IQSEC1: variants seen among roughly 807,000 people sequenced by gnomAD.
The protein encoded by IQSEC1 is IQ motif and Sec7 domain ArfGEF 1.
IQSEC1 carries 31 observed loss-of-function variants against 91.0 expected under a neutral mutation model. That is an observed-to-expected ratio of 0.34 (90% confidence interval 0.26 to 0.46). IQSEC1 has a LOEUF of 0.46. IQSEC1 is among the 20% of genes least tolerant of loss of function. The pLI is 1.00. For synonymous variants in IQSEC1, 699 were observed against 662.6 expected, an observed-to-expected ratio of 1.05 and a Z score of -0.84; for missense variants, 1,388 against 1,575.6, an observed-to-expected ratio of 0.88 and a Z score of 2.02.
At chr3:13,229,963 C>T (rs1261565866) in intron 1 of IQSEC1, among the ~76,000 whole-genome samples, 4 of 152,174 alleles carry the variant, frequency 2.6e-5, no homozygotes, top group East Asian at 1.9e-4. Flanking sequence ...ATAAAATATA[C>T]AGAAGAGTGC....
At chr3:13,194,704 G>A (rs770949735) in intron 1 of IQSEC1, among the ~76,000 whole-genome samples, 34 of 152,056 alleles carry the variant, frequency 2.2e-4, no homozygotes, top group African/African-American at 7.3e-4. Context: ...GGCGAGGTCC[G>A]TGCTTCCTCC....
chr3:12,933,621 C>CG (rs3836368), intron 3 of IQSEC1, among the ~76,000 whole-genome samples: 17,127 of 152,176 alleles, frequency 0.11, 1,125 homozygotes, highest in South Asian at 0.21. Flanking sequence ...CACTGTGGGA[C>CG]GGGGGGTTAT....
chr3:13,006,575 C>T (rs1702643730), intron 1 of IQSEC1, among the ~76,000 whole-genome samples: 1 of 152,236 alleles, frequency 6.6e-6, no homozygotes, highest in Admixed American at 6.5e-5. Flanking sequence ...AGCACAACTG[C>T]CCAGATCTTC....
chr3:12,923,979 G>C (rs1030177010), intron 4 of IQSEC1, among the ~76,000 whole-genome samples: 2 of 152,226 alleles, frequency 1.3e-5, no homozygotes, highest in African/African-American at 2.4e-5. Context: ...GAACTGAGAA[G>C]AGCTGTGGAA....
intron 1 of IQSEC1, chr3:13,047,474 G>A (rs1365251980): frequency 1.0e-6 from 1 of 985,206 alleles, no homozygotes; most frequent in African/African-American, 1.7e-5. Flanking sequence ...CGGCAAGACA[G>A]TACCTGTAGC....
chr3:12,973,294 T>G (rs1465702145), intron 1 of IQSEC1, among the ~76,000 whole-genome samples: 1 of 152,172 alleles, frequency 6.6e-6, no homozygotes, highest in Non-Finnish European at 1.5e-5. Context: ...CCCCAGTGCC[T>G]TTGCTTATCC....
In IQSEC1 at chr3:12,970,660, C is replaced by A. The variant is rs549455748; in HGVS notation, c.24-28795G>T. 1.3e-5 allele frequency among the ~76,000 whole-genome samples: 2 copies of A among 152,170 alleles called. No homozygotes were observed. The highest frequency in any genetic ancestry group is 2.9e-5 in the Non-Finnish European group (2 of 68,034). On this transcript the variant is annotated intron_variant, in intron 1 of 13. Coordinates refer to ENST00000613206, the MANE Select transcript of IQSEC1 (RefSeq NM_001134382.3). The surrounding 1 kb of genome is among the most constrained non-coding windows in gnomAD (Gnocchi z 4.4). The stretch of plus-strand genomic sequence containing the variant: ...TGCCCACTCTATGCCTGCCACACCT[C>A]CAGCAACACTAAGCTTCTTTCAGTT...
intron 1 of IQSEC1, among the ~76,000 whole-genome samples, chr3:13,164,288 T>A (rs1693428788): frequency 6.6e-6 from 1 of 152,190 alleles, no homozygotes; most frequent in Non-Finnish European, 1.5e-5. Context: ...CTCCGGGGTC[T>A]CTTGCTGCTG....
intron 1 of IQSEC1, among the ~76,000 whole-genome samples, chr3:13,070,091 A>G (rs919838): frequency 0.35 from 35,670 of 101,782 alleles, 4,708 homozygotes; most frequent in Admixed American, 0.47. Flanking sequence ...GAGTGAGGAC[A>G]GTGGGGTGGG....
At chr3:13,015,599 G>C (rs148947865) in intron 1 of IQSEC1, 4 of 985,238 alleles carry the variant, frequency 4.1e-6, no homozygotes, top group Non-Finnish European at 4.8e-6. Flanking sequence ...GGAGGGGGCG[G>C]AGGTGTCCCT....
Position 13,029,737 on chromosome 3 carries a change from C to T in IQSEC1, c.23+43255G>A, listed in dbSNP as rs2033504. On this transcript the variant is annotated intron_variant, in intron 1 of 13. Coordinates refer to ENST00000613206, the MANE Select transcript of IQSEC1 (RefSeq NM_001134382.3). Reference sequence around the variant, plus strand: ...ATGTGTGTGTGCGTGCATGCGTGCACGTGTCCACACAAATCCCCTTCAAAG... The same window carrying T: ...ATGTGTGTGTGCGTGCATGCGTGCATGTGTCCACACAAATCCCCTTCAAAG... Among the ~76,000 whole-genome samples, 57 of 152,314 alleles carry T rather than the reference C, an allele frequency of 3.7e-4. No individual in the cohort carries two copies. In the East Asian group the frequency reaches 9.3e-3, roughly 25 times the overall value.
rs1477039192 is a variant in IQSEC1 at position 13,211,597 on chromosome 3, T to C, written c.273-47464A>G. Among the ~76,000 whole-genome samples, 1 of 152,148 alleles carries C rather than the reference T, an allele frequency of 6.6e-6. No homozygotes were observed. Among genetic ancestry groups the C allele is most frequent in the African/African-American group, 2.4e-5 (1 of 41,426 alleles). ...AGGGCCAGCAGGAGAGTCACCATCCTTGCCTCTCCATGGCCCCAAAAGAAA... is the reference window on the plus strand; with the variant it reads ...AGGGCCAGCAGGAGAGTCACCATCCCTGCCTCTCCATGGCCCCAAAAGAAA... On this transcript the variant is annotated intron_variant, in intron 1 of 15. Transcript: ENST00000648114. The surrounding 1 kb of genome is among the most constrained non-coding windows in gnomAD (Gnocchi z 5.3).
At chr3:13,243,725 A>C (rs1695061104) in intron 1 of IQSEC1, among the ~76,000 whole-genome samples, 1 of 150,820 alleles carries the variant, frequency 6.6e-6, no homozygotes, top group African/African-American at 2.4e-5. Flanking sequence ...GGGCCCGCAC[A>C]TGCCTCTCTG....
At chr3:13,249,971 G>T (rs547348463) in intron 1 of IQSEC1, among the ~76,000 whole-genome samples, 1 of 152,214 alleles carries the variant, frequency 6.6e-6, no homozygotes, top group African/African-American at 2.4e-5. Flanking sequence ...GTGAGGTGAG[G>T]GCCCGTCAGC....
At chr3:13,177,353 C>G (rs1693751106) in intron 1 of IQSEC1, among the ~76,000 whole-genome samples, 1 of 152,252 alleles carries the variant, frequency 6.6e-6, no homozygotes. Flanking sequence ...CACCCCATCC[C>G]CATGCTGGGT....
chr3:13,176,782 G>A lies in IQSEC1; in HGVS notation c.273-12649C>T, dbSNP rs1045290531. ...TTTAGGCCAGCTTTTAAATGCGTCA[G>A]TGAGCTGCCACAAAACTAAGAAAAT... On this transcript the variant is annotated intron_variant, in intron 1 of 15. Transcript: ENST00000648114. Among the ~76,000 whole-genome samples, 11 of 152,218 alleles carry A rather than the reference G, an allele frequency of 7.2e-5. No homozygotes were observed. In the South Asian group the frequency reaches 1.2e-3, roughly 17 times the overall value.
chr3:13,207,339 C>A lies in IQSEC1; in HGVS notation c.273-43206G>T, dbSNP rs1284847841. ...TAACAGCTTCCGCTCCAACACCCAT[C>A]GCCAATCTGCCTACTTCTCCCCCTC... On this transcript the variant is annotated intron_variant, in intron 1 of 15. Coordinates refer to the IQSEC1 transcript ENST00000648114. The surrounding 1 kb of genome is among the most constrained non-coding windows in gnomAD (Gnocchi z 4.8). 6.6e-6 allele frequency among the ~76,000 whole-genome samples: 1 copy of A among 152,150 alleles called. No individual in the cohort carries two copies. Among genetic ancestry groups the A allele is most frequent in the African/African-American group, 2.4e-5 (1 of 41,416 alleles).
At chr3:13,245,289 G>A (rs533018993) in intron 1 of IQSEC1, among the ~76,000 whole-genome samples, 2 of 152,270 alleles carry the variant, frequency 1.3e-5, no homozygotes, top group African/African-American at 4.8e-5. Context: ...CAGGCTCACC[G>A]ATGCAGTGTT....
At chr3:13,187,093 G>T (rs1314869566) in intron 1 of IQSEC1, among the ~76,000 whole-genome samples, 1 of 150,672 alleles carries the variant, frequency 6.6e-6, no homozygotes, top group Admixed American at 6.6e-5. Flanking sequence ...CCATCCTTCT[G>T]CCCACTATGC....
Sources: gnomAD v4.1 joint callset for allele counts (sites outside exome capture counted in the v4.1 genomes callset) on GRCh38, gnomAD v4.1.1 for gene constraint, Gnocchi (gnomAD v3.1) non-coding constraint, MANE v1.5 for transcripts, NCBI Gene and HGNC (gene_info 2026-07-23, HGNC 2026-07-21) for gene names.